Variants in CD44 observed in about 807,000 individuals in gnomAD.
CD44 encodes the protein CD44 molecule (IN blood group), also known as CD44 antigen.
Under a neutral mutation model 88.8 loss-of-function variants are expected in CD44, and 49 were observed. The ratio of observed to expected loss-of-function variants is 0.55; its 90% CI spans 0.44 to 0.70. The LOEUF (loss-of-function observed/expected upper bound fraction) is 0.70, where lower values mean the gene tolerates loss of function less well. Ranked by LOEUF, CD44 falls within the 30% of genes least tolerant of loss-of-function variation. CD44 has a pLI of 0.00. For synonymous variants in CD44, 325 were observed against 312.3 expected (o/e 1.04, Z -0.43); for missense variants, 883 against 913.8 (o/e 0.97, Z 0.43).
At chr11:35,181,576 A>G (rs1944990372) in intron 3 of CD44, among the ~76,000 whole-genome samples, 1 of 150,178 alleles carries the variant, frequency 6.7e-6, no homozygotes, top group African/African-American at 2.5e-5. Context: ...CTGGAGTGTC[A>G]GTTTTCCCTA....
Position 35,204,729 on chromosome 11 carries a change from G to A in CD44, c.1282+89G>A, listed in dbSNP as rs1591250503. ...TGAGGACATTGAACAAAAGGACACT[G>A]GAGGAATTGTCACGAGATGTTAGGT... is the stretch of plus-strand genomic sequence containing the variant. On this transcript the variant is annotated intron_variant, in intron 10 of 17. Coordinates refer to ENST00000428726, the MANE Select transcript of CD44 (RefSeq NM_000610.4). 9.3e-6 allele frequency: 11 copies of A among 1,182,988 alleles called. No homozygotes were observed. The East Asian group carries it at 2.4e-4, about 26-fold the overall frequency. The allele number at this position is 1,182,988 out of a possible 1,614,324, so 73.3% of individuals were successfully genotyped here. A position where few individuals can be genotyped will look rare whatever the true frequency, so the allele number is the denominator to read the frequency against.
chr11:35,192,381 A>G (rs993468497), intron 5 of CD44, among the ~76,000 whole-genome samples: 9 of 152,244 alleles, frequency 5.9e-5, no homozygotes, highest in African/African-American at 2.2e-4. Flanking sequence ...GTTCCTGAGT[A>G]GAATCGTATT....
rs3838798 is a variant in CD44, at chr11:35,157,321, G to GTCTATCTATCTA, written c.67+17986_67+17997dup. 3.6e-3 allele frequency among the ~76,000 whole-genome samples: 532 copies of GTCTATCTATCTA among 147,282 alleles called. 3 individuals carry two copies. The highest frequency in any genetic ancestry group is 4.6e-3 in the Non-Finnish European group (304 of 66,544). The stretch of plus-strand genomic sequence containing the variant: ...CATCTATCCATCTATCTGTCTGTCT[G>GTCTATCTATCTA]TCTATCTATCTATCTATCTATCTAT... On this transcript the variant is annotated intron_variant, in intron 1 of 17. Transcript: ENST00000428726.
At chr11:35,147,808 G>T (rs1251416806) in intron 1 of CD44, among the ~76,000 whole-genome samples, 1 of 152,046 alleles carries the variant, frequency 6.6e-6, no homozygotes, top group East Asian at 1.9e-4. Flanking sequence ...CAGGGAGAGG[G>T]CTGGGAAAGG....
In CD44 at chr11:35,189,929, C is replaced by T. The variant is rs768454997; in HGVS notation, c.531C>T (p.Asp177=). 9 of 1,614,112 alleles carry T rather than the reference C, an allele frequency of 5.6e-6. No individual in the cohort carries two copies. The highest frequency in any genetic ancestry group is 3.3e-5 in the Admixed American group (2 of 60,014). Residue 177 remains aspartate (D), a synonymous_variant, in exon 5 of 18, where the codon GAC becomes GAT. Transcript: ENST00000428726. Reference sequence around the variant, plus strand: ...ACCCCAGCAACCCTACTGATGATGACGTGAGCAGCGGCTCCTCCAGTGAAA... The same window carrying T: ...ACCCCAGCAACCCTACTGATGATGATGTGAGCAGCGGCTCCTCCAGTGAAA... ...DIYPSNPTDD[D]VSSGSSSERS...
At chr11:35,211,177 TG>T in intron 13 of CD44, 68 bp from the exon 14 acceptor site, 2 of 1,196,940 alleles carry the variant, frequency 1.7e-6, no homozygotes, top group Non-Finnish European at 2.5e-6. Flanking sequence ...TTGTGTGTTC[TG>T]GAGACAAGCA....
chr11:35,185,186 G>C (rs964052681), intron 3 of CD44, among the ~76,000 whole-genome samples: 6 of 152,146 alleles, frequency 3.9e-5, no homozygotes, highest in African/African-American at 1.4e-4. Flanking sequence ...TGACAGGTGT[G>C]GGGGAGTGAT....
intron 9 of CD44, 59 bp from the exon 10 acceptor site, chr11:35,204,453 G>C: frequency 6.4e-7 from 1 of 1,564,168 alleles, no homozygotes; most frequent in South Asian, 1.1e-5. Context: ...AAGATATGTT[G>C]ACAGCTATTG....
At chr11:35,163,857 T>C (rs1942949254) in intron 1 of CD44, among the ~76,000 whole-genome samples, 1 of 152,196 alleles carries the variant, frequency 6.6e-6, no homozygotes, top group Non-Finnish European at 1.5e-5. Flanking sequence ...GACATTTGCA[T>C]GTGGCCCCTG....
Position 35,214,869 on chromosome 11 carries a change from C to A in CD44, c.1828C>A (p.His610Asn). ...CATTACAGGAGACCAAGACACATTCCACCCCAGTGGGGGGTCCCATACCAC... is the reference window on the plus strand; with the variant it reads ...CATTACAGGAGACCAAGACACATTCAACCCCAGTGGGGGGTCCCATACCAC... ...RSLSGDQDTF[H>N]PSGGSHTTHG... Residue 610 changes from histidine (H) to asparagine (N), a missense_variant, in exon 15 of 18, where the codon CAC becomes AAC. By Grantham distance (68) the His-to-Asn change is moderately conservative. Around this residue, in one of 2 missense-constraint regions of CD44, gnomAD observed 631 missense variants for 590.9 expected, o/e 1.07. Coordinates refer to ENST00000428726, the MANE Select transcript of CD44 (RefSeq NM_000610.4). 1 of 1,556,814 alleles carries A rather than the reference C, an allele frequency of 6.4e-7. No homozygotes were observed. Among genetic ancestry groups the A allele is most frequent in the Non-Finnish European group, 8.7e-7 (1 of 1,151,410 alleles).
intron 1 of CD44, among the ~76,000 whole-genome samples, chr11:35,171,925 T>G (rs984377881): frequency 5.3e-5 from 8 of 152,198 alleles, no homozygotes; most frequent in African/African-American, 1.9e-4. Context: ...TCAAAAAAAT[T>G]GCCTTTGTTT....
intron 1 of CD44, among the ~76,000 whole-genome samples, chr11:35,162,763 G>A (rs759190749): frequency 2.6e-5 from 4 of 152,028 alleles, no homozygotes; most frequent in Non-Finnish European, 4.4e-5. Flanking sequence ...TAGGGCTTCT[G>A]CTTGGGAAAG....
chr11:35,211,647 G>A (rs1448138533), intron 14 of CD44, among the ~76,000 whole-genome samples, 198 bp downstream of exon 14: 1 of 148,766 alleles, frequency 6.7e-6, no homozygotes, highest in Non-Finnish European at 1.5e-5. Flanking sequence ...CCTTTTGCCA[G>A]TGTTTTTTCC....
chr11:35,216,393 T>G (rs1474115214), intron 15 of CD44, among the ~76,000 whole-genome samples: 1 of 152,214 alleles, frequency 6.6e-6, no homozygotes, highest in Non-Finnish European at 1.5e-5. Flanking sequence ...CCCCTTTTTA[T>G]GCCCAAGTTT....
At chr11:35,211,692 GT>G in intron 14 of CD44, among the ~76,000 whole-genome samples, 1 of 152,090 alleles carries the variant, frequency 6.6e-6, no homozygotes, top group East Asian at 1.9e-4. Flanking sequence ...GTGTGTGTGT[GT>G]GTGTGTGTGT....
chr11:35,180,515 T>G (rs1204280297), intron 3 of CD44, 108 bp downstream of exon 3: 8 of 1,195,282 alleles, frequency 6.7e-6, no homozygotes, highest in Non-Finnish European at 9.8e-6. Flanking sequence ...TAACAAATGC[T>G]CACTGAATAT....
rs1295084141 is a variant in CD44 at position 35,210,364 on chromosome 11, ATCTT to A, written c.1606+314_1606+317del. On this transcript the variant is annotated intron_variant, in intron 13 of 17. Coordinates refer to ENST00000428726, the MANE Select transcript of CD44 (RefSeq NM_000610.4). ...ATTTATTTATTTTTGTTAACTTGAG[ATCTT>A]TCTAACTTTTTTATGTGGGCGTTTA... is the stretch of plus-strand genomic sequence containing the variant. 43 of 167,024 alleles carry A rather than the reference ATCTT, an allele frequency of 2.6e-4. 1 individual carries two copies. The highest frequency in any genetic ancestry group is 7.9e-4 in the South Asian group (4 of 5,068). 10.3% of individuals were successfully genotyped at this position (167,024 alleles called of 1,614,324 possible). A position where few individuals can be genotyped will look rare whatever the true frequency, so the allele number is the denominator to read the frequency against.
intron 7 of CD44, chr11:35,200,460 A>C (rs1232599546): frequency 6.6e-6 from 1 of 152,324 alleles, no homozygotes; most frequent in Non-Finnish European, 1.5e-5. Context: ...TGCTCATGAC[A>C]TATTTTGTAT....
chr11:35,139,473 A>C lies in CD44; in HGVS notation c.67+103A>C. On this transcript the variant is annotated intron_variant, in intron 1 of 17. Transcript: ENST00000428726. Reference sequence around the variant, plus strand: ...GAGTCGGCCCTGGGGGACTGGAGTCAAGTGAGCTGTCTGCGAAGTGCATTG... The same window carrying C: ...GAGTCGGCCCTGGGGGACTGGAGTCCAGTGAGCTGTCTGCGAAGTGCATTG... 3 of 1,018,432 alleles carry C rather than the reference A, an allele frequency of 2.9e-6. No individual in the cohort carries two copies. In the South Asian group the frequency reaches 4.0e-5, roughly 14 times the overall value. The allele number at this position is 1,018,432 out of a possible 1,614,324, so 63.1% of individuals were successfully genotyped here. A position where few individuals can be genotyped will look rare whatever the true frequency, so the allele number is the denominator to read the frequency against.
Sources: allele counts gnomAD v4.1 joint callset (sites outside exome capture counted in the v4.1 genomes callset), GRCh38; gene constraint gnomAD v4.1.1; regional missense constraint gnomAD v4.1.1; transcripts MANE v1.5; gene names NCBI Gene and HGNC (gene_info 2026-07-23, HGNC 2026-07-21).